Variants in FBXO28 observed in about 807,000 individuals in gnomAD.
FBXO28 encodes the protein F-box protein 28.
FBXO28 carries 8 observed loss-of-function variants against 38.1 expected under a neutral mutation model. The observed-to-expected ratio is 0.21, with a 90% CI of 0.12 to 0.38. The LOEUF is 0.38. FBXO28 is among the 10% of genes least tolerant of loss of function. The pLI is 1.00. For synonymous variants in FBXO28, 168 were observed against 173.8 expected (o/e 0.97, Z 0.26); for missense variants, 345 against 460.6 (o/e 0.75, Z 2.30).
At chr1:224,120,162 A>G (rs1656739345) in intron 1 of FBXO28, among the ~76,000 whole-genome samples, 1 of 152,214 alleles carries the variant, frequency 6.6e-6, no homozygotes, top group Non-Finnish European at 1.5e-5. Context: ...CAATTTCATA[A>G]TTTTTGAGAC....
chr1:224,150,206 C>T (rs1657609126), intron 3 of FBXO28, among the ~76,000 whole-genome samples: 3 of 152,264 alleles, frequency 2.0e-5, no homozygotes, highest in South Asian at 4.1e-4. Context: ...TGCCTGTAAT[C>T]CCAGCTACTT....
At chr1:224,126,720 G>C (rs1656911983) in intron 1 of FBXO28, among the ~76,000 whole-genome samples, 1 of 152,170 alleles carries the variant, frequency 6.6e-6, no homozygotes, top group Non-Finnish European at 1.5e-5. Flanking sequence ...TGAGGCAGGA[G>C]AATCGCTTGA....
At chr1:224,124,308 A>G (rs1656854989) in intron 1 of FBXO28, among the ~76,000 whole-genome samples, 1 of 152,234 alleles carries the variant, frequency 6.6e-6, no homozygotes, top group Non-Finnish European at 1.5e-5. Context: ...ACAGGAGCCC[A>G]AGCTATATCT....
intron 1 of FBXO28, among the ~76,000 whole-genome samples, chr1:224,118,945 A>T (rs1656707961): frequency 6.6e-6 from 1 of 152,154 alleles, no homozygotes; most frequent in Admixed American, 6.5e-5. Flanking sequence ...TCCACTGGAT[A>T]CTCGTGAGAG....
At chr1:224,156,591 G>C (rs1197489162) in intron 4 of FBXO28, among the ~76,000 whole-genome samples, 3 of 152,122 alleles carry the variant, frequency 2.0e-5, no homozygotes, top group Non-Finnish European at 2.9e-5. Flanking sequence ...CATCATGTTG[G>C]TGCTCAAGAA....
rs1402126887 is a variant in FBXO28, at chr1:224,158,242, T to C, written c.*496T>C. ...AATGTCTGAAAAGTAGTTAATGCTT[T>C]TTGGTATTGAAGTAATGGGTAACTA... On this transcript the variant is annotated 3_prime_UTR_variant, in exon 5 of 5. Coordinates refer to ENST00000366862, the MANE Select transcript of FBXO28 (RefSeq NM_015176.4). The C allele has an allele frequency of 2.0e-6, 2 of 986,298 alleles. No homozygotes were observed. The highest frequency in any genetic ancestry group is 2.4e-6 in the Non-Finnish European group (2 of 830,388). 61.1% of individuals were successfully genotyped at this position (986,298 alleles called of 1,614,324 possible). A position where few individuals can be genotyped will look rare whatever the true frequency, so the allele number is the denominator to read the frequency against.
intron 4 of FBXO28, among the ~76,000 whole-genome samples, chr1:224,154,396 C>T (rs570042497): frequency 1.3e-5 from 2 of 152,276 alleles, no homozygotes; most frequent in East Asian, 1.9e-4. Context: ...GTTGGCTGGG[C>T]GCGGTGGCTC....
intron 4 of FBXO28, among the ~76,000 whole-genome samples, chr1:224,156,020 CGATT>C (rs1657766267): frequency 6.6e-6 from 1 of 151,990 alleles, no homozygotes; most frequent in Non-Finnish European, 1.5e-5. Flanking sequence ...CAGGAAGTAA[CGATT>C]GATTTAAGCC....
At chr1:224,140,648 A>G (rs768722607) in intron 3 of FBXO28, among the ~76,000 whole-genome samples, 1 of 152,144 alleles carries the variant, frequency 6.6e-6, no homozygotes, top group African/African-American at 2.4e-5. Flanking sequence ...TTTTCATATT[A>G]AAGAGAATAT....
intron 4 of FBXO28, among the ~76,000 whole-genome samples, chr1:224,154,009 G>A (rs1657709285): frequency 6.6e-6 from 1 of 152,106 alleles, no homozygotes; most frequent in East Asian, 1.9e-4. Context: ...GAGGCGGGAG[G>A]ATCGTTTCAG....
chr1:224,133,973 A>T, intron 2 of FBXO28, 101 bp from the exon 3 acceptor site: 1 of 774,242 alleles, frequency 1.3e-6, no homozygotes, highest in Non-Finnish European at 1.9e-6. Context: ...CTAAATTAAC[A>T]TGTAAAAGAC....
chr1:224,133,953 C>G, intron 2 of FBXO28, 121 bp from the exon 3 acceptor site: 1 of 655,116 alleles, frequency 1.5e-6, no homozygotes, highest in Non-Finnish European at 2.3e-6. Flanking sequence ...TATGACCCAA[C>G]TGTAGATTTC....
intron 1 of FBXO28, among the ~76,000 whole-genome samples, chr1:224,115,712 A>T (rs1656628364): frequency 6.6e-6 from 1 of 152,188 alleles, no homozygotes; most frequent in Admixed American, 6.5e-5. Flanking sequence ...ATATTCCTTC[A>T]GATTTTTACA....
chr1:224,120,278 A>G (rs1466948226), intron 1 of FBXO28, among the ~76,000 whole-genome samples: 5 of 152,178 alleles, frequency 3.3e-5, no homozygotes, highest in Non-Finnish European at 2.9e-5. Flanking sequence ...CAGTTTCCCA[A>G]ATATCTTGGG....
At chr1:224,117,772 CCAGGG>C (rs1656675494) in intron 1 of FBXO28, among the ~76,000 whole-genome samples, 1 of 152,020 alleles carries the variant, frequency 6.6e-6, no homozygotes, top group Non-Finnish European at 1.5e-5. Flanking sequence ...CTTTGGGAGG[CCAGGG>C]TGGGCGGATC....
intron 1 of FBXO28, among the ~76,000 whole-genome samples, chr1:224,118,869 A>C (rs1193708205): frequency 1.3e-5 from 2 of 152,226 alleles, no homozygotes; most frequent in Non-Finnish European, 2.9e-5. Context: ...ACAAGAATAC[A>C]CATAACATAT....
intron 3 of FBXO28, among the ~76,000 whole-genome samples, chr1:224,151,235 T>C (rs1657641114): frequency 6.6e-6 from 1 of 152,126 alleles, no homozygotes; most frequent in Non-Finnish European, 1.5e-5. Context: ...TGCTAGCAAA[T>C]ATCACCTACA....
chr1:224,146,942 G>A (rs1043222398), intron 3 of FBXO28, among the ~76,000 whole-genome samples: 2 of 150,432 alleles, frequency 1.3e-5, no homozygotes, highest in East Asian at 2.0e-4. Context: ...TCCTGACCTC[G>A]TAATCCGCCC....
chr1:224,118,481 T>G (rs1656697598), intron 1 of FBXO28, among the ~76,000 whole-genome samples: 1 of 152,192 alleles, frequency 6.6e-6, no homozygotes, highest in Non-Finnish European at 1.5e-5. Flanking sequence ...GACTAAAGGT[T>G]AAGTTGAGAA....
Sources: gnomAD v4.1 joint callset for allele counts (sites outside exome capture counted in the v4.1 genomes callset) on GRCh38, gnomAD v4.1.1 for gene constraint, MANE v1.5 for transcripts, NCBI Gene and HGNC (gene_info 2026-07-23, HGNC 2026-07-21) for gene names.